The following SGCZ variants were observed in gnomAD, a reference collection of about 807,000 sequenced individuals.
The protein encoded by SGCZ is sarcoglycan zeta, also known as zeta-sarcoglycan.
A neutral mutation model predicts 41.3 loss-of-function variants in SGCZ; 40 were observed. That is an observed-to-expected ratio of 0.97 (90% CI 0.75 to 1.26). The LOEUF (loss-of-function observed/expected upper bound fraction) is 1.26, where lower values mean the gene tolerates loss of function less well. Ranked by LOEUF, SGCZ falls within the 50% of genes most tolerant of loss-of-function variation. The probability of loss-of-function intolerance (pLI) is 0.00; values close to 1 mark genes in which losing one functional copy is unlikely to be tolerated. For missense variants in SGCZ, 552 were observed against 369.8 expected, an observed-to-expected ratio of 1.49 and a Z score of -4.04; for synonymous variants, 206 against 137.5, an observed-to-expected ratio of 1.50 and a Z score of -3.49.
At chr8:14,138,546 C>G (rs1803272882) in intron 5 of SGCZ, among the ~76,000 whole-genome samples, 1 of 150,438 alleles carries the variant, frequency 6.6e-6, no homozygotes, top group Admixed American at 6.6e-5. Context: ...CATTTCTAGT[C>G]TCTGATAAAA....
intron 3 of SGCZ, among the ~76,000 whole-genome samples, chr8:14,240,664 A>G (rs1798850052): frequency 6.6e-6 from 1 of 152,186 alleles, no homozygotes; most frequent in East Asian, 1.9e-4. Context: ...ATTTATTATA[A>G]TGTGATCAAG....
At chr8:14,325,739 CACACACACATATAT>C (rs1802074884) in intron 2 of SGCZ, among the ~76,000 whole-genome samples, 1 of 32,118 alleles carries the variant, frequency 3.1e-5, no homozygotes, top group South Asian at 1.2e-3. Flanking sequence ...CACACACACA[CACACACACATATAT>C]ATATATATAT....
intron 1 of SGCZ, among the ~76,000 whole-genome samples, chr8:14,623,724 T>A (rs1397286): frequency 1.3e-5 from 2 of 151,910 alleles, no homozygotes; most frequent in African/African-American, 4.8e-5. Flanking sequence ...TTGTCTTTCA[T>A]GCATTTTCCG....
At chr8:14,310,511 T>TA (rs1478671225) in intron 3 of SGCZ, among the ~76,000 whole-genome samples, 3 of 152,152 alleles carry the variant, frequency 2.0e-5, no homozygotes, top group African/African-American at 7.2e-5. Flanking sequence ...ATCTTTTTTT[T>TA]ATTTTTATTA....
intron 1 of SGCZ, among the ~76,000 whole-genome samples, chr8:15,101,479 G>C (rs759780452): frequency 5.3e-5 from 8 of 152,024 alleles, no homozygotes; most frequent in Admixed American, 1.3e-4. Context: ...AATAAGCATA[G>C]GATAAAATAC....
intron 3 of SGCZ, among the ~76,000 whole-genome samples, chr8:14,250,927 A>G (rs987750736): frequency 3.9e-5 from 6 of 152,124 alleles, no homozygotes; most frequent in African/African-American, 1.4e-4. Context: ...AGAGATGTGT[A>G]TGTTAAATGA....
At chr8:14,887,153 A>G (rs1358677592) in intron 1 of SGCZ, among the ~76,000 whole-genome samples, 1 of 152,176 alleles carries the variant, frequency 6.6e-6, no homozygotes, top group Non-Finnish European at 1.5e-5. Context: ...ACAGACAAAT[A>G]TACAAGTCTG....
chr8:14,989,152 G>A (rs556152456), intron 1 of SGCZ, among the ~76,000 whole-genome samples: 2 of 152,038 alleles, frequency 1.3e-5, no homozygotes, highest in Non-Finnish European at 2.9e-5. Context: ...AGAGGAGAAG[G>A]GTCTGTGGAC....
chr8:14,538,551 C>G (rs1326793718), intron 2 of SGCZ, among the ~76,000 whole-genome samples: 1 of 151,876 alleles, frequency 6.6e-6, no homozygotes, highest in East Asian at 1.9e-4. Flanking sequence ...GTTTGTGAAC[C>G]TAAATAGCTG....
Position 14,779,438 on chromosome 8 carries a change from G to A in SGCZ, c.40-224512C>T, listed in dbSNP as rs1404515919. On this transcript the variant is annotated intron_variant, in intron 1 of 7. Coordinates refer to ENST00000382080, the MANE Select transcript of SGCZ (RefSeq NM_139167.4). ...ACCAAGGCCGGTCAAGCCTTCAAAT[G>A]ATTGCAATTCAGCTGCCATCCGACC... Among the ~76,000 whole-genome samples the A allele has an allele frequency of 3.9e-5, 6 of 152,260 alleles. No homozygotes were observed. The South Asian group carries it at 1.2e-3, about 32-fold the overall frequency.
intron 1 of SGCZ, among the ~76,000 whole-genome samples, chr8:14,866,494 A>G (rs1803935805): frequency 6.6e-6 from 1 of 152,156 alleles, no homozygotes; most frequent in South Asian, 2.1e-4. Context: ...TTTACAAAAT[A>G]TCAACTCCAA....
chr8:14,855,071 A>G (rs1803494824), intron 1 of SGCZ, among the ~76,000 whole-genome samples: 1 of 151,580 alleles, frequency 6.6e-6, no homozygotes, highest in African/African-American at 2.4e-5. Context: ...TTATTTATTT[A>G]GAGACGGAGT....
chr8:14,389,395 T>C (rs1483901910), intron 2 of SGCZ, among the ~76,000 whole-genome samples: 1 of 147,966 alleles, frequency 6.8e-6, no homozygotes, highest in Admixed American at 6.8e-5. Flanking sequence ...TAGAAAATAA[T>C]ATAAGCATAC....
chr8:14,226,963 A>C (rs145956433), intron 4 of SGCZ, among the ~76,000 whole-genome samples: 1 of 152,102 alleles, frequency 6.6e-6, no homozygotes, highest in African/African-American at 2.4e-5. Flanking sequence ...TTAATGTGTA[A>C]TATTGAAGGC....
At chr8:14,902,678 A>G (rs1799005610) in intron 1 of SGCZ, among the ~76,000 whole-genome samples, 1 of 152,112 alleles carries the variant, frequency 6.6e-6, no homozygotes, top group South Asian at 2.1e-4. Context: ...CTGACATTGA[A>G]TTTGATAAAG....
chr8:14,845,041 C>T (rs564628069), intron 1 of SGCZ, among the ~76,000 whole-genome samples: 134 of 152,238 alleles, frequency 8.8e-4, no homozygotes, highest in Middle Eastern at 6.8e-3. Context: ...ACAAGAGCTG[C>T]ATAGAGGGTG....
At chr8:14,691,549 C>A (rs1321150531) in intron 1 of SGCZ, among the ~76,000 whole-genome samples, 1 of 151,904 alleles carries the variant, frequency 6.6e-6, no homozygotes, top group Non-Finnish European at 1.5e-5. Context: ...ATTTTGCAAT[C>A]ATAGGCACAT....
chr8:14,549,818 G>A (rs139315226), intron 2 of SGCZ, among the ~76,000 whole-genome samples: 287 of 152,134 alleles, frequency 1.9e-3, no homozygotes, highest in African/African-American at 6.7e-3. Context: ...AAAGAAACAA[G>A]TAAATAAGGA....
chr8:14,656,630 T>C (rs1241449579), intron 1 of SGCZ, among the ~76,000 whole-genome samples: 2 of 144,620 alleles, frequency 1.4e-5, no homozygotes, highest in African/African-American at 5.1e-5. Context: ...CTCTCTCTCC[T>C]CCCCTCTCCT....
Sources: gnomAD v4.1 joint callset for allele counts (sites outside exome capture counted in the v4.1 genomes callset) on GRCh38, gnomAD v4.1.1 for gene constraint, MANE v1.5 for transcripts, NCBI Gene and HGNC (gene_info 2026-07-23, HGNC 2026-07-21) for gene names.